The following GSDMA variants were observed in gnomAD, a reference collection of about 807,000 sequenced individuals.
GSDMA encodes gasdermin-A.
A neutral mutation model predicts 54.3 loss-of-function variants in GSDMA; 55 were observed. That is an observed-to-expected ratio of 1.01 (90% confidence interval 0.82 to 1.27). The LOEUF (loss-of-function observed/expected upper bound fraction) is 1.27, where lower values mean the gene tolerates loss of function less well. Ranked by LOEUF, GSDMA falls within the 50% of genes most tolerant of loss-of-function variation. The pLI is 0.00. For missense variants in GSDMA, 542 were observed against 542.6 expected (o/e 1.00, Z 0.01); for synonymous variants, 211 against 224.7 (o/e 0.94, Z 0.54).
intron 3 of GSDMA, among the ~76,000 whole-genome samples, chr17:39,966,968 G>T (rs757608363): frequency 6.8e-6 from 1 of 146,966 alleles, no homozygotes; most frequent in African/African-American, 2.5e-5. Flanking sequence ...GGTGTGGCAG[G>T]TGCCACATTG....
At chr17:39,972,089 G>T (rs999263814) in intron 5 of GSDMA, 40 bp from the exon 6 acceptor site, 1 of 1,333,014 alleles carries the variant, frequency 7.5e-7, no homozygotes, top group East Asian at 2.4e-5. Flanking sequence ...TGGGGCAGCT[G>T]CTAAGTGTCC....
rs1979632479 is a variant in GSDMA at position 39,965,869 on chromosome 17, T to C, written c.182T>C (p.Leu61Pro). 1 of 1,558,734 alleles carries C rather than the reference T, an allele frequency of 6.4e-7. No homozygotes were observed. The highest frequency in any genetic ancestry group is 8.7e-7 in the Non-Finnish European group (1 of 1,151,550). The change falls in exon 2 of 12, where the codon CTG (leucine) becomes CCG (proline). Residue 61 changes from leucine (L) to proline (P), a missense_variant. Transcript: ENST00000301659. ...TACGTCCGCACCGACTACACGCTGC[T>C]GGATGTGCTTGAGCCCGGCAGCTCA... ...ARYVRTDYTL[L>P]DVLEPGSSPS... is the part of the protein sequence containing the mutation.
At chr17:39,972,100 T>TTGCCC in intron 5 of GSDMA, 29 bp from the exon 6 acceptor site, 20 of 835,090 alleles carry the variant, frequency 2.4e-5, no homozygotes, top group African/African-American at 3.4e-5. Flanking sequence ...CTAAGTGTCC[T>TTGCCC]CCCACCCTCC....
At position 39,974,955 on chromosome 17, in the gene GSDMA, A is replaced by T. The variant is rs1180145784; in HGVS notation, c.962A>T (p.Asp321Val). The change falls in exon 10 of 12, where the codon GAT becomes GTT. Residue 321 changes from aspartate to valine, a missense_variant. Asp to Val is a radical substitution (Grantham distance 152, BLOSUM62 -3). Transcript: ENST00000301659. ...GTGACCCTGGAGGCACTCCCAAAAG[A>T]TGTCCTGCTATCAAAGGAGGCCGTG... ...HEVTLEALPK[D>V]VLLSKEAVGA... The T allele has an allele frequency of 6.2e-7, 1 of 1,613,006 alleles. No individual in the cohort carries two copies. Among genetic ancestry groups the T allele is most frequent in the South Asian group, 1.1e-5 (1 of 90,860 alleles).
chr17:39,973,480 T>G (rs544048095), intron 7 of GSDMA, among the ~76,000 whole-genome samples: 1 of 151,700 alleles, frequency 6.6e-6, no homozygotes, highest in African/African-American at 2.4e-5. Flanking sequence ...CAGGCTGGTC[T>G]CAAACTCCTG....
chr17:39,968,632 G>A (rs1979789199), intron 3 of GSDMA, among the ~76,000 whole-genome samples: 1 of 152,110 alleles, frequency 6.6e-6, no homozygotes, highest in African/African-American at 2.4e-5. Context: ...ACAGGCGTGA[G>A]CCACCACCCC....
intron 1 of GSDMA, among the ~76,000 whole-genome samples, chr17:39,963,688 T>C (rs1979512229): frequency 6.6e-6 from 1 of 151,952 alleles, no homozygotes; most frequent in Non-Finnish European, 1.5e-5. Context: ...ACACCGTCTC[T>C]ACTAAAAACA....
rs79070332 is a variant in GSDMA at position 39,969,790 on chromosome 17, G to T, written c.393-692G>T. ...AATCGCTTGAACCCGGGAGGCAGAGGTTGTAGTGAGCCAAGATCGTGCCAC... is the reference window on the plus strand; with the variant it reads ...AATCGCTTGAACCCGGGAGGCAGAGTTTGTAGTGAGCCAAGATCGTGCCAC... On this transcript the variant is annotated intron_variant, in intron 3 of 11. Transcript: ENST00000301659. 3.9e-4 allele frequency among the ~76,000 whole-genome samples: 59 copies of T among 151,760 alleles called. 1 individual carries two copies. The East Asian group carries it at 0.011, about 29-fold the overall frequency.
At chr17:39,968,337 G>GTA (rs1258985091) in intron 3 of GSDMA, among the ~76,000 whole-genome samples, 1 of 59,838 alleles carries the variant, frequency 1.7e-5, no homozygotes, top group African/African-American at 1.5e-4. Context: ...ACTGAGCCCG[G>GTA]TCTTTTTTTT....
In GSDMA at chr17:39,971,624, A is replaced by G; in HGVS notation, c.655+4A>G. Reference sequence around the variant, plus strand: ...GTCAAAGGCAAAGATGAGTGGGGTGAGCAGAGACCCGCATGTTCTCCCCAC... The same window carrying G: ...GTCAAAGGCAAAGATGAGTGGGGTGGGCAGAGACCCGCATGTTCTCCCCAC... On this transcript the variant is annotated splice_donor_region_variant and intron_variant, in intron 5 of 11. Coordinates refer to ENST00000301659, the MANE Select transcript of GSDMA (RefSeq NM_178171.5). 6.2e-7 allele frequency: 1 copy of G among 1,607,374 alleles called. No homozygotes were observed. The highest frequency in any genetic ancestry group is 8.5e-7 in the Non-Finnish European group (1 of 1,173,926).
chr17:39,972,220 C>G (rs1238264513), intron 6 of GSDMA, 44 bp downstream of exon 6: 1 of 1,363,234 alleles, frequency 7.3e-7, no homozygotes, highest in Non-Finnish European at 1.0e-6. Context: ...TCCGCCCTAC[C>G]CCTGACATTA....
chr17:39,965,044 T>C (rs538453080), intron 1 of GSDMA, among the ~76,000 whole-genome samples: 2 of 151,894 alleles, frequency 1.3e-5, no homozygotes, highest in Admixed American at 1.3e-4. Flanking sequence ...CAATTAAGCC[T>C]TGGCGGTCAA....
intron 3 of GSDMA, among the ~76,000 whole-genome samples, chr17:39,967,853 T>A (rs1451058358): frequency 1.3e-5 from 2 of 151,350 alleles, no homozygotes; most frequent in Non-Finnish European, 2.9e-5. Context: ...TTTATTTATT[T>A]ATTTTATTTA....
intron 8 of GSDMA, 52 bp downstream of exon 8, chr17:39,973,882 G>C: frequency 6.6e-7 from 1 of 1,521,916 alleles, no homozygotes; most frequent in South Asian, 1.1e-5. Context: ...GGTAGCATTA[G>C]GGGCAGAGAG....
rs748588532 is a variant in GSDMA at position 39,966,311 on chromosome 17, T to C, written c.266T>C (p.Val89Ala). 7.4e-6 allele frequency: 12 copies of C among 1,612,990 alleles called. No homozygotes were observed. Among genetic ancestry groups the C allele is most frequent in the Admixed American group, 5.0e-5 (3 of 59,894 alleles). ...TTTAAGAATATGCTGGACACCCGAG[T>C]GGAGGGAGATGTGGATGTACCAAAG... ...FGFKNMLDTR[V>A]EGDVDVPKTV... Residue 89 changes from valine (V) to alanine (A), a missense_variant, in exon 3 of 12, where the codon GTG (valine) becomes GCG (alanine). Transcript: ENST00000301659.
chr17:39,964,483 C>T (rs4795409), intron 1 of GSDMA, among the ~76,000 whole-genome samples: 68,571 of 151,668 alleles, frequency 0.45, 15,578 homozygotes, highest in East Asian at 0.56. Flanking sequence ...GCAGGAGAAT[C>T]GCTTGAATCT....
At chr17:39,968,693 G>C (rs906116779) in intron 3 of GSDMA, among the ~76,000 whole-genome samples, 1 of 152,074 alleles carries the variant, frequency 6.6e-6, no homozygotes, top group Non-Finnish European at 1.5e-5. Flanking sequence ...CTGAGGACCC[G>C]AGCTGGGGAA....
At chr17:39,965,493 G>A (rs927663411) in intron 1 of GSDMA, 190 bp from the exon 2 acceptor site, 3 of 587,994 alleles carry the variant, frequency 5.1e-6, no homozygotes, top group Non-Finnish European at 9.1e-6. Flanking sequence ...CCAGCCCTAG[G>A]TTCCTCATCA....
rs1979649113 is a variant in GSDMA, at chr17:39,966,117, G to A, written c.215-143G>A. ...TTACTTGTTTGTTTTTGTAGAGATG[G>A]GTTCTTGCTTTGTTGCCCAGGCTGG... On this transcript the variant is annotated intron_variant, in intron 2 of 11. Transcript: ENST00000301659. 32 of 891,650 alleles carry A rather than the reference G, an allele frequency of 3.6e-5. No homozygotes were observed. The South Asian group carries it at 4.4e-4, about 12-fold the overall frequency. The allele number at this position is 891,650 out of a possible 1,614,324, so 55.2% of individuals were successfully genotyped here. A position where few individuals can be genotyped will look rare whatever the true frequency, so the allele number is the denominator to read the frequency against.
Sources: gnomAD v4.1 joint callset for allele counts (sites outside exome capture counted in the v4.1 genomes callset) on GRCh38, gnomAD v4.1.1 for gene constraint, MANE v1.5 for transcripts, NCBI Gene and HGNC (gene_info 2026-07-23, HGNC 2026-07-21) for gene names.